The following LPGAT1 variants were observed in gnomAD, a reference collection of about 807,000 sequenced individuals.
LPGAT1 encodes lysophosphatidylglycerol acyltransferase 1, also known as acyl-CoA:lysophosphatidylglycerol acyltransferase 1.
LPGAT1 carries 11 observed loss-of-function variants against 47.5 expected under a neutral mutation model. That is an observed-to-expected ratio of 0.23 (90% confidence interval 0.15 to 0.38). LPGAT1 has a LOEUF of 0.38. LPGAT1 is among the 10% of genes least tolerant of loss of function. The probability of loss-of-function intolerance (pLI) is 1.00; values close to 1 mark genes in which losing one functional copy is unlikely to be tolerated. For missense variants in LPGAT1, 293 were observed against 439.0 expected (o/e 0.67, Z 2.97); for synonymous variants, 138 against 144.2 (o/e 0.96, Z 0.31).
At chr1:211,757,632 TA>T (rs1190016937) in intron 6 of LPGAT1, among the ~76,000 whole-genome samples, 4 of 152,164 alleles carry the variant, frequency 2.6e-5, no homozygotes, top group African/African-American at 9.7e-5. Flanking sequence ...AGTCAGATAA[TA>T]AAGTCAATAC....
chr1:211,772,387 A>G (rs981857364), intron 6 of LPGAT1, among the ~76,000 whole-genome samples: 5 of 152,170 alleles, frequency 3.3e-5, no homozygotes, highest in East Asian at 3.8e-4. Flanking sequence ...CTTCAAAACT[A>G]TCTTAGCTAT....
intron 6 of LPGAT1, among the ~76,000 whole-genome samples, chr1:211,755,878 TTTGG>T (rs1163090726): frequency 6.6e-6 from 1 of 152,112 alleles, no homozygotes; most frequent in Non-Finnish European, 1.5e-5. Flanking sequence ...ATAAAAGCGT[TTTGG>T]TTGATGAAAT....
intron 2 of LPGAT1, among the ~76,000 whole-genome samples, chr1:211,802,134 A>T (rs1659600775): frequency 6.6e-6 from 1 of 151,808 alleles, no homozygotes; most frequent in African/African-American, 2.4e-5. Flanking sequence ...AAAGGTATAT[A>T]AAATCCTGAA....
chr1:211,764,140 G>A (rs1657813027), intron 6 of LPGAT1, among the ~76,000 whole-genome samples: 1 of 150,188 alleles, frequency 6.7e-6, no homozygotes, highest in Non-Finnish European at 1.5e-5. Flanking sequence ...CCACTGCACT[G>A]CAGCCTAGGC....
intron 6 of LPGAT1, among the ~76,000 whole-genome samples, chr1:211,751,769 T>C (rs1194145312): frequency 6.6e-6 from 1 of 152,192 alleles, no homozygotes; most frequent in Non-Finnish European, 1.5e-5. Flanking sequence ...TTTTGTCCCC[T>C]TTATCAAAGG....
intron 6 of LPGAT1, among the ~76,000 whole-genome samples, chr1:211,778,362 A>C (rs562781575): frequency 0.015 from 2,149 of 147,472 alleles, 151 homozygotes; most frequent in African/African-American, 0.049. Flanking sequence ...AAAAAAAAAA[A>C]AAAAAAAAAA....
chr1:211,750,449 G>T (rs762786018), intron 7 of LPGAT1, among the ~76,000 whole-genome samples: 1 of 152,168 alleles, frequency 6.6e-6, no homozygotes, highest in Non-Finnish European at 1.5e-5. Context: ...CTGCATGAGA[G>T]CAGGCACTCT....
intron 2 of LPGAT1, among the ~76,000 whole-genome samples, chr1:211,828,748 A>C (rs1660623103): frequency 6.6e-6 from 1 of 152,208 alleles, no homozygotes; most frequent in Non-Finnish European, 1.5e-5. Flanking sequence ...TCTTCACTTT[A>C]TAAGCTCTCG....
chr1:211,801,073 A>G (rs941634089), intron 2 of LPGAT1, among the ~76,000 whole-genome samples: 3 of 152,238 alleles, frequency 2.0e-5, no homozygotes, highest in African/African-American at 7.2e-5. Flanking sequence ...ACAAATCAAC[A>G]TTTTAATCTC....
At chr1:211,767,733 A>G (rs952751622) in intron 6 of LPGAT1, among the ~76,000 whole-genome samples, 2 of 152,216 alleles carry the variant, frequency 1.3e-5, no homozygotes, top group African/African-American at 4.8e-5. Flanking sequence ...AGTAGAGATG[A>G]AATTATCAAT....
intron 6 of LPGAT1, among the ~76,000 whole-genome samples, chr1:211,776,504 G>A (rs1169422034): frequency 2.0e-5 from 3 of 151,970 alleles, no homozygotes; most frequent in East Asian, 1.9e-4. Flanking sequence ...TAGCCTGGGC[G>A]ACAAAGTGAA....
intron 6 of LPGAT1, among the ~76,000 whole-genome samples, chr1:211,775,366 T>C (rs1658352394): frequency 6.6e-6 from 1 of 152,138 alleles, no homozygotes; most frequent in South Asian, 2.1e-4. Flanking sequence ...AAATAAATTA[T>C]GCTAACTATA....
chr1:211,759,443 G>C (rs1446263978), intron 6 of LPGAT1, among the ~76,000 whole-genome samples: 1 of 151,884 alleles, frequency 6.6e-6, no homozygotes, highest in Admixed American at 6.6e-5. Flanking sequence ...TCTTGATATT[G>C]GTAATGTAGT....
chr1:211,830,121 C>A lies in LPGAT1; in HGVS notation c.-28+452G>T, dbSNP rs1346042867. 1 of 984,308 alleles carries A rather than the reference C, an allele frequency of 1.0e-6. No individual in the cohort carries two copies. The highest frequency in any genetic ancestry group is 1.1e-4 in the East Asian group (1 of 8,786). 61.0% of individuals were successfully genotyped at this position (984,308 alleles called of 1,614,324 possible). A position where few individuals can be genotyped will look rare whatever the true frequency, so the allele number is the denominator to read the frequency against. On this transcript the variant is annotated intron_variant, in intron 1 of 7. Transcript: ENST00000366997. This position sits in a 1 kb window ranked among gnomAD's most constrained non-coding sequence, Gnocchi z 5.9. ...CAGCGCGGGGAGCCGGTGGAGCCTG[C>A]AGCGGTTTCCGCGGATGTGGAAGGG...
intron 3 of LPGAT1, among the ~76,000 whole-genome samples, chr1:211,790,113 A>G (rs912639205): frequency 5.3e-5 from 8 of 151,998 alleles, no homozygotes; most frequent in Admixed American, 4.6e-4. Flanking sequence ...AAATGACTGC[A>G]CTCTTTCTGT....
intron 6 of LPGAT1, among the ~76,000 whole-genome samples, chr1:211,758,107 C>T (rs1240764482): frequency 6.6e-6 from 1 of 152,208 alleles, no homozygotes; most frequent in Non-Finnish European, 1.5e-5. Context: ...AGGCCAAACT[C>T]CTGCCATCAT....
chr1:211,790,690 T>C (rs563789235), intron 3 of LPGAT1, among the ~76,000 whole-genome samples: 1 of 152,318 alleles, frequency 6.6e-6, no homozygotes, highest in Admixed American at 6.5e-5. Flanking sequence ...AAAATGAACC[T>C]AGCCTAACTA....
chr1:211,762,610 C>T (rs986882461), intron 6 of LPGAT1, among the ~76,000 whole-genome samples: 5 of 152,124 alleles, frequency 3.3e-5, no homozygotes, highest in African/African-American at 1.2e-4. Flanking sequence ...TAAGTAAATA[C>T]ATATACACCA....
intron 2 of LPGAT1, among the ~76,000 whole-genome samples, chr1:211,824,774 G>T (rs191804940): frequency 2.8e-4 from 42 of 152,192 alleles, no homozygotes; most frequent in African/African-American, 8.7e-4. Flanking sequence ...CGGCTCAAAG[G>T]TTACAAGACA....
Sources: gnomAD v4.1 joint callset for allele counts (sites outside exome capture counted in the v4.1 genomes callset) on GRCh38, gnomAD v4.1.1 for gene constraint, Gnocchi (gnomAD v3.1) non-coding constraint, MANE v1.5 for transcripts, NCBI Gene and HGNC (gene_info 2026-07-23, HGNC 2026-07-21) for gene names.